The following CNTNAP2 variants were observed in gnomAD, a reference collection of about 807,000 sequenced individuals.
CNTNAP2 encodes contactin-associated protein-like 2.
Under a neutral mutation model 155.2 loss-of-function variants are expected in CNTNAP2, and 98 were observed. The observed-to-expected ratio is 0.63, with a 90% CI of 0.54 to 0.75. The LOEUF (loss-of-function observed/expected upper bound fraction) is 0.75. Among genes scored for constraint, CNTNAP2 ranks in the 30% least tolerant of loss-of-function variants. The pLI is 0.00. For synonymous variants in CNTNAP2, 651 were observed against 631.2 expected, an observed-to-expected ratio of 1.03 and a Z score of -0.47; for missense variants, 1,727 against 1,688.1, an observed-to-expected ratio of 1.02 and a Z score of -0.40.
chr7:147,568,276 A>G (rs1050053413), intron 12 of CNTNAP2, among the ~76,000 whole-genome samples: 1 of 152,078 alleles, frequency 6.6e-6, no homozygotes, highest in Admixed American at 6.5e-5. Context: ...GAGGCTTCTT[A>G]TCTCAAACAA....
chr7:146,962,037 T>C (rs1181276052), intron 3 of CNTNAP2, among the ~76,000 whole-genome samples: 3 of 152,198 alleles, frequency 2.0e-5, no homozygotes. Context: ...GTTACTTTTG[T>C]GACCTGTTTA....
chr7:147,247,667 T>A (rs569855508), intron 8 of CNTNAP2, among the ~76,000 whole-genome samples: 3 of 152,320 alleles, frequency 2.0e-5, no homozygotes, highest in African/African-American at 7.2e-5. Flanking sequence ...GTTAAAAAAA[T>A]CTGAGTCCTT....
At chr7:146,347,518 A>G (rs892154805) in intron 1 of CNTNAP2, among the ~76,000 whole-genome samples, 3 of 152,146 alleles carry the variant, frequency 2.0e-5, no homozygotes, top group African/African-American at 7.2e-5. Flanking sequence ...AATGCTTACA[A>G]TAAGTTATTT....
chr7:147,315,533 G>A, intron 9 of CNTNAP2, among the ~76,000 whole-genome samples: 1 of 147,680 alleles, frequency 6.8e-6, no homozygotes, highest in Non-Finnish European at 1.5e-5. Context: ...CCAGGCTGGA[G>A]TGCAGTGGCA....
chr7:147,404,218 G>A (rs545470590), intron 10 of CNTNAP2, among the ~76,000 whole-genome samples: 2 of 152,120 alleles, frequency 1.3e-5, no homozygotes, highest in East Asian at 1.9e-4. Context: ...TCCTGACATC[G>A]TTGTGACTGT....
intron 3 of CNTNAP2, among the ~76,000 whole-genome samples, chr7:147,018,101 G>A (rs184872088): frequency 6.6e-6 from 1 of 152,048 alleles, no homozygotes; most frequent in Admixed American, 6.6e-5. Context: ...TTGTAAACAA[G>A]TTTGTTAGAT....
At chr7:147,425,271 A>G (rs1797360760) in intron 10 of CNTNAP2, among the ~76,000 whole-genome samples, 1 of 147,224 alleles carries the variant, frequency 6.8e-6, no homozygotes, top group Non-Finnish European at 1.5e-5. Context: ...TTGCCTTTAA[A>G]AAAAAAAAAA....
chr7:146,831,256 T>C (rs1396052015), intron 2 of CNTNAP2, among the ~76,000 whole-genome samples: 1 of 152,156 alleles, frequency 6.6e-6, no homozygotes, highest in Non-Finnish European at 1.5e-5. Flanking sequence ...ATGGTTTTTA[T>C]GGTTTTTAGT....
intron 20 of CNTNAP2, among the ~76,000 whole-genome samples, chr7:148,256,700 A>G (rs545672643): frequency 1.2e-4 from 19 of 152,266 alleles, no homozygotes; most frequent in Admixed American, 2.6e-4. Context: ...TCTGTCCTAG[A>G]AAGGCTTAGG....
At chr7:146,698,400 A>G (rs542195823) in intron 1 of CNTNAP2, among the ~76,000 whole-genome samples, 26 of 152,218 alleles carry the variant, frequency 1.7e-4, no homozygotes, top group African/African-American at 6.3e-4. Flanking sequence ...TTTCCCTTCA[A>G]AGAATTTCAC....
At chr7:146,262,355 T>G (rs1384783157) in intron 1 of CNTNAP2, among the ~76,000 whole-genome samples, 1 of 152,192 alleles carries the variant, frequency 6.6e-6, no homozygotes, top group Non-Finnish European at 1.5e-5. Flanking sequence ...CCTTTGGTCT[T>G]TACTTATCTG....
chr7:146,718,319 A>T (rs1049262870), intron 1 of CNTNAP2, among the ~76,000 whole-genome samples: 14 of 152,160 alleles, frequency 9.2e-5, no homozygotes, highest in African/African-American at 3.4e-4. Flanking sequence ...GCTTAGGCTA[A>T]TTTCTATCAA....
chr7:146,624,888 A>C (rs1235548155), intron 1 of CNTNAP2, among the ~76,000 whole-genome samples: 1 of 151,900 alleles, frequency 6.6e-6, no homozygotes, highest in African/African-American at 2.4e-5. Flanking sequence ...TCTTCTTTTT[A>C]CCCTGAGAAA....
At chr7:148,198,592 C>A (rs1795314963) in intron 18 of CNTNAP2, among the ~76,000 whole-genome samples, 3 of 152,176 alleles carry the variant, frequency 2.0e-5, no homozygotes, top group Admixed American at 2.0e-4. Flanking sequence ...GTGGTAGCCA[C>A]CATCATAAGC....
chr7:146,721,768 ATATATATTC>A (rs1255142927), intron 1 of CNTNAP2, among the ~76,000 whole-genome samples: 90 of 129,080 alleles, frequency 7.0e-4, no homozygotes, highest in African/African-American at 2.7e-3. Context: ...TATAGTCTAC[ATATATATTC>A]TATATATAGT....
At chr7:146,944,814 C>T (rs563877728) in intron 3 of CNTNAP2, among the ~76,000 whole-genome samples, 1 of 151,728 alleles carries the variant, frequency 6.6e-6, no homozygotes, top group African/African-American at 2.4e-5. Context: ...GGAGGCGGAG[C>T]TTGCAGTGAG....
At chr7:146,304,598 C>A (rs1023015778) in intron 1 of CNTNAP2, among the ~76,000 whole-genome samples, 1 of 152,008 alleles carries the variant, frequency 6.6e-6, no homozygotes, top group African/African-American at 2.4e-5. Context: ...AATATTGGCC[C>A]CCACTCTCTG....
At chr7:147,677,415 C>A (rs1222876420) in intron 13 of CNTNAP2, among the ~76,000 whole-genome samples, 1 of 151,630 alleles carries the variant, frequency 6.6e-6, no homozygotes, top group African/African-American at 2.4e-5. Context: ...TGGATATAAA[C>A]CCCTTATCAG....
At chr7:147,380,033 T>G (rs867037985) in intron 9 of CNTNAP2, among the ~76,000 whole-genome samples, 23 of 152,124 alleles carry the variant, frequency 1.5e-4, no homozygotes, top group African/African-American at 5.5e-4. Context: ...CTGGAAAATT[T>G]TCAGGCTCCC....
Sources: gnomAD v4.1 joint callset for allele counts (sites outside exome capture counted in the v4.1 genomes callset) on GRCh38, gnomAD v4.1.1 for gene constraint, MANE v1.5 for transcripts, NCBI Gene and HGNC (gene_info 2026-07-23, HGNC 2026-07-21) for gene names.